Variants in DIO1 observed in about 807,000 individuals in gnomAD.
The protein encoded by DIO1 is iodothyronine deiodinase 1, also known as type I iodothyronine deiodinase.
In DIO1, 17 loss-of-function variants were observed where a neutral mutation model predicts 25.9. The observed-to-expected ratio is 0.66, with a 90% CI of 0.45 to 0.98. The LOEUF is 0.98. Ranked by LOEUF, DIO1 falls within the 50% of genes least tolerant of loss-of-function variation. DIO1 has a pLI of 0.00. For missense variants in DIO1, 270 were observed against 310.4 expected (o/e 0.87, Z 0.98); for synonymous variants, 115 against 114.0 (o/e 1.01, Z -0.05).
chr1:53,898,709 C>T (rs1403647248), intron 1 of DIO1, among the ~76,000 whole-genome samples: 1 of 145,006 alleles, frequency 6.9e-6, no homozygotes, highest in Non-Finnish European at 1.5e-5. Flanking sequence ...TGCGCCACTG[C>T]ACTCCAGCCT....
intron 1 of DIO1, among the ~76,000 whole-genome samples, chr1:53,895,981 C>T (rs1651051673): frequency 6.6e-6 from 1 of 152,138 alleles, no homozygotes; most frequent in Admixed American, 6.5e-5. Flanking sequence ...CCCTTCGGCT[C>T]ATGGCTCTCT....
At chr1:53,900,535 C>T (rs1195675897) in intron 1 of DIO1, among the ~76,000 whole-genome samples, 4 of 152,046 alleles carry the variant, frequency 2.6e-5, no homozygotes, top group Admixed American at 6.6e-5. Flanking sequence ...ACTTGGGAGG[C>T]GGAGGTTGCA....
At chr1:53,901,771 A>T (rs1288753560) in intron 1 of DIO1, among the ~76,000 whole-genome samples, 1 of 152,152 alleles carries the variant, frequency 6.6e-6, no homozygotes, top group East Asian at 1.9e-4. Context: ...CTATAGTTCC[A>T]GCTACTCAGA....
At chr1:53,901,579 C>T (rs1174119587) in intron 1 of DIO1, among the ~76,000 whole-genome samples, 1 of 152,178 alleles carries the variant, frequency 6.6e-6, no homozygotes, top group Non-Finnish European at 1.5e-5. Context: ...CAGCTGGGGT[C>T]ACTGCCTGAG....
intron 3 of DIO1, among the ~76,000 whole-genome samples, chr1:53,909,247 C>T (rs1651814767): frequency 6.6e-6 from 1 of 151,350 alleles, no homozygotes; most frequent in Non-Finnish European, 1.5e-5. Context: ...GAAACCCTGT[C>T]TCTACTAAAA....
Position 53,894,567 on chromosome 1 carries a change from C to T in DIO1, c.337+20C>T. 6.3e-7 allele frequency: 1 copy of T among 1,594,544 alleles called. No homozygotes were observed. Among genetic ancestry groups the T allele is most frequent in the Non-Finnish European group, 8.6e-7 (1 of 1,168,508 alleles). On this transcript the variant is annotated intron_variant, in intron 1 of 3. Transcript: ENST00000361921. The surrounding 1 kb of genome is among the most constrained non-coding windows in gnomAD (Gnocchi z 4.9). ...TGCAAGGTCAGGAGGCTGCCACACACTTGAGGGGTGCTTGAAATAGCAGTG... is the reference window on the plus strand; with the variant it reads ...TGCAAGGTCAGGAGGCTGCCACACATTTGAGGGGTGCTTGAAATAGCAGTG...
At chr1:53,897,861 A>G (rs1422491510) in intron 1 of DIO1, among the ~76,000 whole-genome samples, 1 of 152,244 alleles carries the variant, frequency 6.6e-6, no homozygotes, top group Non-Finnish European at 1.5e-5. Context: ...TCAAAAATAA[A>G]TAAGTAAATA....
chr1:53,896,365 A>G (rs1038569217), intron 1 of DIO1, among the ~76,000 whole-genome samples: 2 of 151,772 alleles, frequency 1.3e-5, no homozygotes, highest in Admixed American at 1.3e-4. Flanking sequence ...CAACAAGTGC[A>G]CACCACAATG....
Position 53,894,382 on chromosome 1 carries a change from CACG to C in DIO1, c.175_177del (p.Asp59del). On this transcript the variant is annotated inframe_deletion, in exon 1 of 4. Coordinates refer to ENST00000361921, the MANE Select transcript of DIO1 (RefSeq NM_000792.7). The surrounding 1 kb of genome is among the most constrained non-coding windows in gnomAD (Gnocchi z 4.9). Reference sequence around the variant, plus strand: ...TATGACCAGGAACCCCCATTTCAGCCACGACAACTGGATACCAACCTTTTTCAG... The same window carrying C: ...TATGACCAGGAACCCCCATTTCAGCCACAACTGGATACCAACCTTTTTCAG... The C allele has an allele frequency of 6.2e-7, 1 of 1,614,222 alleles. No homozygotes were observed. The highest frequency in any genetic ancestry group is 8.5e-7 in the Non-Finnish European group (1 of 1,180,032).
At chr1:53,903,318 T>A (rs1651470123) in intron 1 of DIO1, 1 of 151,606 alleles carries the variant, frequency 6.6e-6, no homozygotes, top group African/African-American at 2.4e-5. Flanking sequence ...GTTGGGGTGG[T>A]GGGCAGGTGG....
chr1:53,897,194 G>A (rs1440680204), intron 1 of DIO1, among the ~76,000 whole-genome samples: 1 of 152,228 alleles, frequency 6.6e-6, no homozygotes, highest in Non-Finnish European at 1.5e-5. Flanking sequence ...GTTGAATTTG[G>A]TCTGAGCCCC....
At chr1:53,900,023 G>A (rs777351641) in intron 1 of DIO1, among the ~76,000 whole-genome samples, 5 of 152,184 alleles carry the variant, frequency 3.3e-5, no homozygotes, top group Admixed American at 6.5e-5. Flanking sequence ...AAATCATAGT[G>A]CAGTCAACCA....
intron 3 of DIO1, among the ~76,000 whole-genome samples, chr1:53,907,427 T>G (rs1651708740): frequency 1.3e-5 from 2 of 152,072 alleles, no homozygotes; most frequent in African/African-American, 2.4e-5. Context: ...CCCTACCTAT[T>G]CAGATAAAAC....
chr1:53,909,252 C>A (rs759950548), intron 3 of DIO1, among the ~76,000 whole-genome samples: 1 of 148,986 alleles, frequency 6.7e-6, no homozygotes, highest in South Asian at 2.1e-4. Flanking sequence ...CCTGTCTCTA[C>A]TAAAAATACA....
chr1:53,908,059 T>G (rs1187704004), intron 3 of DIO1, among the ~76,000 whole-genome samples: 1 of 149,742 alleles, frequency 6.7e-6, no homozygotes, highest in Admixed American at 6.7e-5. Flanking sequence ...CTGTCTCTAC[T>G]AAAAATACAA....
chr1:53,903,422 C>T (rs1266809835), intron 1 of DIO1, among the ~76,000 whole-genome samples: 2 of 151,710 alleles, frequency 1.3e-5, no homozygotes, highest in Non-Finnish European at 2.9e-5. Flanking sequence ...CACACACACT[C>T]GGTCTCTGGG....
At chr1:53,895,162 C>T (rs546379783) in intron 1 of DIO1, among the ~76,000 whole-genome samples, 29 of 152,316 alleles carry the variant, frequency 1.9e-4, no homozygotes, top group Non-Finnish European at 3.2e-4. Context: ...TGATGGTTCA[C>T]GCCTGTAATC....
intron 1 of DIO1, among the ~76,000 whole-genome samples, chr1:53,898,224 C>G (rs7541876): frequency 0.6 from 90,626 of 151,840 alleles, 27,667 homozygotes; most frequent in East Asian, 0.84. Context: ...GGGCAGGGCA[C>G]AGAGGAGGAG....
intron 3 of DIO1, 121 bp downstream of exon 3, chr1:53,906,415 C>A: frequency 2.4e-6 from 2 of 825,908 alleles, no homozygotes; most frequent in Non-Finnish European, 3.8e-6. Flanking sequence ...ACTTACCAGC[C>A]ATGTGACCAT....
Sources: allele counts gnomAD v4.1 joint callset (sites outside exome capture counted in the v4.1 genomes callset), GRCh38; gene constraint gnomAD v4.1.1; non-coding constraint Gnocchi (gnomAD v3.1); transcripts MANE v1.5; gene names NCBI Gene and HGNC (gene_info 2026-07-23, HGNC 2026-07-21).